Variants in RANBP2 observed in about 807,000 individuals in gnomAD.
The protein encoded by RANBP2 is E3 SUMO-protein ligase RanBP2.
A neutral mutation model predicts 303.6 loss-of-function variants in RANBP2; 57 were observed. That is an observed-to-expected ratio of 0.19 (90% CI 0.15 to 0.23). The LOEUF is 0.23. Ranked by LOEUF, RANBP2 falls within the 10% of genes least tolerant of loss-of-function variation. The probability of loss-of-function intolerance (pLI) is 1.00; values close to 1 mark genes in which losing one functional copy is unlikely to be tolerated. For synonymous variants in RANBP2, 1,167 were observed against 1,301.5 expected (o/e 0.90, Z 2.23); for missense variants, 3,138 against 3,780.8 (o/e 0.83, Z 4.46).
the RANBP2 span, among the ~76,000 whole-genome samples, chr2:109,014,643 C>G: frequency 6.6e-6 from 1 of 152,202 alleles, no homozygotes; most frequent in African/African-American, 2.4e-5. Context: ...TTTTCCCATG[C>G]CTGGAGCCTG....
At chr2:109,131,073 A>G in the RANBP2 span, among the ~76,000 whole-genome samples, 2 of 152,204 alleles carry the variant, frequency 1.3e-5, no homozygotes, top group South Asian at 4.1e-4. Flanking sequence ...TTATTCCTCT[A>G]CTTTTGACCA....
In RANBP2 at chr2:108,785,326, A is replaced by G. The variant is rs1385290081; in HGVS notation, c.*1425A>G. On this transcript the variant is annotated 3_prime_UTR_variant, in exon 29 of 29. Transcript: ENST00000283195. ...AAATGTATCAGTTCAGTCTTGAACCATGGATTACATATGTTTACACTAAAT... is the reference window on the plus strand; with the variant it reads ...AAATGTATCAGTTCAGTCTTGAACCGTGGATTACATATGTTTACACTAAAT... 1 of 152,238 alleles carries G rather than the reference A, an allele frequency of 6.6e-6. No individual in the cohort carries two copies. The highest frequency in any genetic ancestry group is 2.4e-5 in the African/African-American group (1 of 41,468). 9.4% of individuals were successfully genotyped at this position (152,238 alleles called of 1,614,324 possible).
chr2:109,668,258 C>T, the RANBP2 span, among the ~76,000 whole-genome samples: 1 of 152,144 alleles, frequency 6.6e-6, no homozygotes, highest in South Asian at 2.1e-4. Context: ...CTTTTTTCTG[C>T]CTGCCTCAGT....
At chr2:109,556,526 T>A in the RANBP2 span, among the ~76,000 whole-genome samples, 1 of 152,128 alleles carries the variant, frequency 6.6e-6, no homozygotes, top group South Asian at 2.1e-4. Context: ...CAGGAACAGA[T>A]CCTAAACACT....
chr2:109,398,488 T>C, the RANBP2 span: 4 of 1,049,036 alleles, frequency 3.8e-6, no homozygotes, highest in East Asian at 1.0e-4. Context: ...TTTGAATGCA[T>C]TGCCAGTTTG....
chr2:108,763,437 T>C lies in RANBP2; in HGVS notation c.2898T>C (p.Val966=), dbSNP rs1181421738. The C allele has an allele frequency of 6.2e-7, 1 of 1,613,902 alleles. No individual in the cohort carries two copies. Among genetic ancestry groups the C allele is most frequent in the African/African-American group, 1.3e-5 (1 of 74,872 alleles). ...PRGDDYFNYN[V]QQTSTNPPLP... ...GTGATGATTACTTTAATTACAATGT[T>C]CAACAGACAAGCACAAATCCACCTT... Residue 966 remains valine (V), a synonymous_variant, in exon 20 of 29, where the codon GTT becomes GTC. Transcript: ENST00000283195.
At chr2:109,648,341 AAAGACACC>A in the RANBP2 span, among the ~76,000 whole-genome samples, 1 of 152,164 alleles carries the variant, frequency 6.6e-6, no homozygotes, top group Non-Finnish European at 1.5e-5. Context: ...TAAGCAGCAG[AAAGACACC>A]ATCTGATTTA....
the RANBP2 span, among the ~76,000 whole-genome samples, chr2:108,841,834 GCTTT>G: frequency 6.6e-6 from 1 of 151,460 alleles, no homozygotes; most frequent in African/African-American, 2.4e-5. Context: ...TCATTTTTCT[GCTTT>G]CTTATGGGTT....
At chr2:108,843,955 A>G in the RANBP2 span, among the ~76,000 whole-genome samples, 3 of 147,750 alleles carry the variant, frequency 2.0e-5, no homozygotes, top group Non-Finnish European at 3.0e-5. Flanking sequence ...CAGTGGCACA[A>G]TCACGGCTCA....
chr2:109,599,207 C>T, the RANBP2 span, among the ~76,000 whole-genome samples: 1 of 152,070 alleles, frequency 6.6e-6, no homozygotes, highest in African/African-American at 2.4e-5. Flanking sequence ...CCTGTAACCC[C>T]AGCACTCTGG....
chr2:109,614,702 C>A, the RANBP2 span: 42 of 1,488,548 alleles, frequency 2.8e-5, no homozygotes, highest in Middle Eastern at 5.5e-4. Flanking sequence ...TCGATCCCGC[C>A]GACGGCGCCA....
the RANBP2 span, among the ~76,000 whole-genome samples, chr2:108,940,571 C>T: frequency 6.6e-6 from 1 of 152,272 alleles, no homozygotes; most frequent in African/African-American, 2.4e-5. Context: ...TGAGAGCAGC[C>T]AGGCTCTCTG....
chr2:109,194,731 C>T, the RANBP2 span, among the ~76,000 whole-genome samples: 1 of 152,216 alleles, frequency 6.6e-6, no homozygotes, highest in Admixed American at 6.5e-5. Context: ...CACTGCCCTG[C>T]AGGCCGGGGA....
chr2:109,462,227 C>CA, the RANBP2 span, among the ~76,000 whole-genome samples: 1 of 150,644 alleles, frequency 6.6e-6, no homozygotes, highest in Non-Finnish European at 1.5e-5. Context: ...ACCATCCCTG[C>CA]AAACTATTTT....
the RANBP2 span, among the ~76,000 whole-genome samples, chr2:109,471,898 C>T: frequency 2.9e-4 from 44 of 152,320 alleles, no homozygotes; most frequent in East Asian, 7.7e-3. Flanking sequence ...CCTGGCAGTT[C>T]TCTAGAAGGC....
the RANBP2 span, chr2:108,791,714 A>G: frequency 6.2e-7 from 1 of 1,607,242 alleles, no homozygotes; most frequent in South Asian, 1.1e-5. Flanking sequence ...ATTTGAAGAA[A>G]CAGGAAACAG....
At chr2:108,846,686 G>T in the RANBP2 span, 1 of 1,478,216 alleles carries the variant, frequency 6.8e-7, no homozygotes, top group Non-Finnish European at 9.3e-7. Flanking sequence ...CAAAAAAAAA[G>T]ATATATTCTG....
chr2:109,506,760 G>C, the RANBP2 span, among the ~76,000 whole-genome samples: 1 of 152,342 alleles, frequency 6.6e-6, no homozygotes, highest in African/African-American at 2.4e-5. Flanking sequence ...GGCTTTTCTT[G>C]AATGTAGCAG....
the RANBP2 span, among the ~76,000 whole-genome samples, chr2:108,979,448 G>GTCTCTC: frequency 2.0e-3 from 279 of 140,322 alleles, 8 homozygotes; most frequent in Middle Eastern, 0.011. Context: ...CTCTCTCTCT[G>GTCTCTC]TCTCTGTCTC....
Sources: allele counts gnomAD v4.1 joint callset (sites outside exome capture counted in the v4.1 genomes callset), GRCh38; gene constraint gnomAD v4.1.1; transcripts MANE v1.5; gene names NCBI Gene and HGNC (gene_info 2026-07-23, HGNC 2026-07-21).